GCNT2: variants seen among roughly 807,000 people sequenced by gnomAD.
The protein encoded by GCNT2 is N-acetyllactosaminide beta-1,6-N-acetylglucosaminyl-transferase.
GCNT2 carries 34 observed loss-of-function variants against 34.2 expected under a neutral mutation model. That is an observed-to-expected ratio of 1.00 (90% CI 0.76 to 1.32). The LOEUF is 1.32. GCNT2 is among the 40% of genes most tolerant of loss of function. The probability of loss-of-function intolerance (pLI) is 0.00; values close to 1 mark genes in which losing one functional copy is unlikely to be tolerated. For missense variants in GCNT2, 584 were observed against 489.4 expected (o/e 1.19, Z -1.82); for synonymous variants, 212 against 188.0 (o/e 1.13, Z -1.04).
intron 3 of GCNT2, chr6:10,586,885 A>G (rs1202700926): frequency 1.2e-6 from 2 of 1,613,822 alleles, no homozygotes; most frequent in South Asian, 2.2e-5. Context: ...CCTGATGAGC[A>G]TTTCTGGGTG....
At chr6:10,542,948 C>T (rs1762104132) in intron 3 of GCNT2, among the ~76,000 whole-genome samples, 1 of 136,906 alleles carries the variant, frequency 7.3e-6, no homozygotes, top group Non-Finnish European at 1.5e-5. Flanking sequence ...ACTCTTGTTG[C>T]CCAGGCTGGA....
At chr6:10,573,868 G>A (rs1763667064) in intron 3 of GCNT2, among the ~76,000 whole-genome samples, 1 of 152,110 alleles carries the variant, frequency 6.6e-6, no homozygotes, top group Admixed American at 6.5e-5. Context: ...TGGCCTTGAG[G>A]GCTTCTGCCT....
intron 3 of GCNT2, among the ~76,000 whole-genome samples, chr6:10,581,225 T>A (rs1314230839): frequency 6.6e-6 from 1 of 152,214 alleles, no homozygotes; most frequent in Non-Finnish European, 1.5e-5. Context: ...GGACAAATGA[T>A]GTACATGGTT....
intron 1 of GCNT2, among the ~76,000 whole-genome samples, chr6:10,526,890 A>AG (rs1183897130): frequency 6.6e-6 from 1 of 152,176 alleles, no homozygotes; most frequent in Non-Finnish European, 1.5e-5. Flanking sequence ...CTGAGGTAGG[A>AG]GGATAGCTTG....
At chr6:10,622,869 C>T (rs974742742) in intron 4 of GCNT2, among the ~76,000 whole-genome samples, 1 of 150,364 alleles carries the variant, frequency 6.7e-6, no homozygotes, top group Non-Finnish European at 1.5e-5. Flanking sequence ...ATTCTTCTGC[C>T]TCAGCCTCCC....
rs1491123758 is a variant in GCNT2 at position 10,569,274 on chromosome 6, C to CACACACACACACACACACACACA, written c.925+39438_925+39439insACACACACACACACACACACACA. On this transcript the variant is annotated intron_variant, in intron 3 of 4. Transcript: ENST00000495262. ...ACACACACACACACACACACACACACCCCCTAGGTAATTTTGCCAAATCCT... is the reference window on the plus strand; with the variant it reads ...ACACACACACACACACACACACACACACACACACACACACACACACACACCCCTAGGTAATTTTGCCAAATCCT... Among the ~76,000 whole-genome samples the CACACACACACACACACACACACA allele has an allele frequency of 1.6e-3, 217 of 137,076 alleles. 2 individuals are homozygous for CACACACACACACACACACACACA. Among genetic ancestry groups the CACACACACACACACACACACACA allele is most frequent in the Non-Finnish European group, 2.0e-3 (129 of 64,482 alleles). The allele number at this position is 137,076 out of a possible 152,430, so 89.9% of individuals were successfully genotyped here. A position where few individuals can be genotyped will look rare whatever the true frequency, so the allele number is the denominator to read the frequency against.
chr6:10,590,361 G>A (rs1483088460), intron 3 of GCNT2, among the ~76,000 whole-genome samples: 1 of 149,694 alleles, frequency 6.7e-6, no homozygotes, highest in East Asian at 2.0e-4. Flanking sequence ...CTGCACCACT[G>A]CACTCCAGCC....
rs369806474 is a variant in GCNT2 at position 10,557,582 on chromosome 6, G to A, written c.925+27746G>A. On this transcript the variant is annotated intron_variant, in intron 3 of 4. Transcript: ENST00000495262. Reference sequence around the variant, plus strand: ...GGCTCACTGAACCCTGGACCTCCTGGGCTCCAGCAATCCTCCCACTTCAGT... The same window carrying A: ...GGCTCACTGAACCCTGGACCTCCTGAGCTCCAGCAATCCTCCCACTTCAGT... Among the ~76,000 whole-genome samples the A allele has an allele frequency of 5.5e-4, 83 of 151,828 alleles. 2 individuals carry two copies. In the South Asian group the frequency reaches 0.013, roughly 23 times the overall value.
In GCNT2 at chr6:10,541,917, G is replaced by C. The variant is rs181109712; in HGVS notation, c.925+12081G>C. ...CCAAATACTTTTTGTTGTCACTGTA[G>C]TTAGGGTTTGCGGTTTAATCATCTA... On this transcript the variant is annotated intron_variant, in intron 3 of 4. Transcript: ENST00000495262. Among the ~76,000 whole-genome samples the C allele has an allele frequency of 5.0e-3, 769 of 152,288 alleles. 7 individuals are homozygous for C. The highest frequency in any genetic ancestry group is 5.0e-3 in the Non-Finnish European group (338 of 68,028).
chr6:10,612,593 G>A (rs1765605988), intron 3 of GCNT2, among the ~76,000 whole-genome samples: 2 of 152,262 alleles, frequency 1.3e-5, no homozygotes, highest in South Asian at 4.1e-4. Context: ...TTTATTAAAG[G>A]GATTATATTT....
At chr6:10,619,362 A>T (rs189873626) in intron 3 of GCNT2, 47 of 151,804 alleles carry the variant, frequency 3.1e-4, no homozygotes, top group African/African-American at 1.1e-3. Context: ...AAAAAAAAAA[A>T]TTGTGGAGAT....
chr6:10,564,451 T>G lies in GCNT2; in HGVS notation c.925+34615T>G, dbSNP rs1375594512. 2.0e-5 allele frequency among the ~76,000 whole-genome samples: 3 copies of G among 152,214 alleles called. No homozygotes were observed. The East Asian group carries it at 5.8e-4, about 29-fold the overall frequency. On this transcript the variant is annotated intron_variant, in intron 3 of 4. Transcript: ENST00000495262. The stretch of plus-strand genomic sequence containing the variant: ...TCATCCCTGCTGATCTGGCTCTTCC[T>G]GGAGTGTAGAAGTCAAGGGCTCAGG...
At position 10,559,734 on chromosome 6, in the gene GCNT2, C is replaced by T. The variant is rs372735775; in HGVS notation, c.925+29898C>T. 6.0e-4 allele frequency among the ~76,000 whole-genome samples: 92 copies of T among 152,340 alleles called. 2 individuals carry two copies. In the South Asian group the frequency reaches 0.013, roughly 21 times the overall value. ...AACTGCCTGGAGAGGAAGGCCATTG[C>T]GGTCCATGTCAGTGGTCTGTCCTGT... On this transcript the variant is annotated intron_variant, in intron 3 of 4. Transcript: ENST00000495262.
chr6:10,568,857 C>A (rs910278946), intron 3 of GCNT2, among the ~76,000 whole-genome samples: 1 of 152,098 alleles, frequency 6.6e-6, no homozygotes, highest in Non-Finnish European at 1.5e-5. Flanking sequence ...TAAATAATGG[C>A]CTTGTTTAAT....
chr6:10,606,945 T>C (rs182874692), intron 3 of GCNT2, among the ~76,000 whole-genome samples: 1 of 152,028 alleles, frequency 6.6e-6, no homozygotes, highest in East Asian at 1.9e-4. Context: ...TTATTATTTA[T>C]TTTTATTATT....
At chr6:10,558,147 A>G (rs1207981282) in intron 3 of GCNT2, among the ~76,000 whole-genome samples, 1 of 152,074 alleles carries the variant, frequency 6.6e-6, no homozygotes, top group African/African-American at 2.4e-5. Context: ...TGGAATTAGG[A>G]TATTTACCTA....
At chr6:10,617,103 G>A (rs1765803520) in intron 3 of GCNT2, among the ~76,000 whole-genome samples, 1 of 152,218 alleles carries the variant, frequency 6.6e-6, no homozygotes, top group Non-Finnish European at 1.5e-5. Flanking sequence ...GCACCATGGA[G>A]CAGGGAGGGG....
At chr6:10,536,467 G>T (rs912207697) in intron 3 of GCNT2, among the ~76,000 whole-genome samples, 5 of 150,976 alleles carry the variant, frequency 3.3e-5, no homozygotes, top group African/African-American at 1.2e-4. Flanking sequence ...CCATTCTCCT[G>T]CCTCAGCCTC....
chr6:10,541,039 G>A (rs774901558), intron 3 of GCNT2, among the ~76,000 whole-genome samples: 9 of 152,094 alleles, frequency 5.9e-5, no homozygotes, highest in African/African-American at 9.7e-5. Flanking sequence ...GTTCGGGTAC[G>A]TGTGCAGGAT....
Sources: allele counts gnomAD v4.1 joint callset (sites outside exome capture counted in the v4.1 genomes callset), GRCh38; gene constraint gnomAD v4.1.1; transcripts MANE v1.5; gene names NCBI Gene and HGNC (gene_info 2026-07-23, HGNC 2026-07-21).